Variants in RALGAPA2 observed in about 807,000 individuals in gnomAD.
RALGAPA2 encodes the protein Ral GTPase activating protein catalytic subunit alpha 2.
In RALGAPA2, 139 loss-of-function variants were observed where a neutral mutation model predicts 230.4. The ratio of observed to expected loss-of-function variants is 0.60; its 90% CI spans 0.53 to 0.69. The LOEUF is 0.69. Ranked by LOEUF, RALGAPA2 falls within the 30% of genes least tolerant of loss-of-function variation. The pLI, the probability that RALGAPA2 is intolerant of heterozygous loss-of-function variation, is 0.00. For missense variants in RALGAPA2, 2,163 were observed against 2,276.0 expected (o/e 0.95, Z 1.01); for synonymous variants, 847 against 837.8 (o/e 1.01, Z -0.19).
At chr20:20,482,444 G>A (rs190371103) in intron 36 of RALGAPA2, among the ~76,000 whole-genome samples, 58 of 152,164 alleles carry the variant, frequency 3.8e-4, no homozygotes, top group African/African-American at 1.3e-3. Context: ...CATGACAGTG[G>A]GTGTTGGCAG....
At chr20:20,524,761 T>C (rs1042909778) in intron 29 of RALGAPA2, 69 bp downstream of exon 29, 2 of 1,394,032 alleles carry the variant, frequency 1.4e-6, no homozygotes, top group Admixed American at 2.6e-5. Context: ...AGTTGTAACA[T>C]TATTTATCAT....
chr20:20,556,644 G>A (rs1337507284), intron 23 of RALGAPA2, among the ~76,000 whole-genome samples: 1 of 152,100 alleles, frequency 6.6e-6, no homozygotes, highest in Non-Finnish European at 1.5e-5. Flanking sequence ...AGCAAATGAG[G>A]GCTTCAACAA....
At chr20:20,563,245 T>G (rs955644143) in intron 23 of RALGAPA2, among the ~76,000 whole-genome samples, 7 of 152,224 alleles carry the variant, frequency 4.6e-5, no homozygotes, top group South Asian at 2.1e-4. Context: ...TAATATTTCA[T>G]TAACTTGAGT....
At chr20:20,628,641 T>C (rs1213188442) in intron 10 of RALGAPA2, among the ~76,000 whole-genome samples, 3 of 152,206 alleles carry the variant, frequency 2.0e-5, no homozygotes, top group Non-Finnish European at 4.4e-5. Flanking sequence ...CATCCCTGGC[T>C]GCGACCCACT....
At chr20:20,555,859 A>G (rs998351481) in intron 23 of RALGAPA2, among the ~76,000 whole-genome samples, 1 of 152,162 alleles carries the variant, frequency 6.6e-6, no homozygotes, top group Non-Finnish European at 1.5e-5. Flanking sequence ...GTCAATATAC[A>G]TATCTTTCAT....
chr20:20,394,464 C>T (rs992222382), intron 39 of RALGAPA2, among the ~76,000 whole-genome samples: 4 of 152,130 alleles, frequency 2.6e-5, no homozygotes, highest in African/African-American at 9.7e-5. Context: ...ACAGTGAAAC[C>T]CCGTCTCTAC....
intron 16 of RALGAPA2, among the ~76,000 whole-genome samples, chr20:20,600,602 A>G (rs142983145): frequency 1.1e-3 from 175 of 152,382 alleles, no homozygotes; most frequent in Non-Finnish European, 2.2e-3. Context: ...TTTACTAAGC[A>G]CTATAGAATA....
At chr20:20,600,462 G>A (rs1226363935) in intron 16 of RALGAPA2, among the ~76,000 whole-genome samples, 1 of 152,130 alleles carries the variant, frequency 6.6e-6, no homozygotes, top group Admixed American at 6.5e-5. Context: ...AAGCAGAATA[G>A]GCTGTGCATG....
intron 37 of RALGAPA2, among the ~76,000 whole-genome samples, chr20:20,435,863 C>T (rs536366939): frequency 6.6e-6 from 1 of 152,234 alleles, no homozygotes; most frequent in Admixed American, 6.5e-5. Context: ...GGATTGAGCT[C>T]ACATGGACAA....
intron 37 of RALGAPA2, among the ~76,000 whole-genome samples, chr20:20,441,964 GAA>G (rs935103748): frequency 6.6e-6 from 1 of 152,182 alleles, no homozygotes; most frequent in African/African-American, 2.4e-5. Flanking sequence ...TTTCAGAAAT[GAA>G]AAAGAGTATC....
chr20:20,598,653 G>A, intron 16 of RALGAPA2: 2 of 448,798 alleles, frequency 4.5e-6, no homozygotes, highest in Non-Finnish European at 9.0e-6. Context: ...GAACAGTGAT[G>A]GACACATGAG....
intron 37 of RALGAPA2, among the ~76,000 whole-genome samples, chr20:20,455,442 C>A (rs1216936591): frequency 6.6e-6 from 1 of 152,188 alleles, no homozygotes; most frequent in Admixed American, 6.5e-5. Flanking sequence ...GTCATCACCA[C>A]CTCCTCGCCT....
chr20:20,558,429 G>C (rs1247242122), intron 23 of RALGAPA2, among the ~76,000 whole-genome samples: 3 of 152,200 alleles, frequency 2.0e-5, no homozygotes, highest in East Asian at 1.9e-4. Context: ...ACTTTCAAGT[G>C]AAGTCAACAG....
At chr20:20,551,969 A>G (rs1318727527) in intron 23 of RALGAPA2, among the ~76,000 whole-genome samples, 1 of 152,190 alleles carries the variant, frequency 6.6e-6, no homozygotes, top group Admixed American at 6.5e-5. Context: ...GAAAATAAAA[A>G]AGGGCGATTA....
intron 20 of RALGAPA2, 45 bp downstream of exon 20, chr20:20,583,005 T>G: frequency 6.4e-7 from 1 of 1,572,798 alleles, no homozygotes; most frequent in Non-Finnish European, 8.7e-7. Context: ...ACAACTGATC[T>G]CCCAGCTGTT....
In RALGAPA2 at chr20:20,573,012, C is replaced by T. The variant is rs1348084661; in HGVS notation, c.2764G>A (p.Gly922Ser). Residue 922 changes from glycine (G) to serine (S), a missense_variant, in exon 21 of 40, where the codon GGT (glycine) becomes AGT (serine). Physicochemically the swap from Gly to Ser is moderately conservative, Grantham distance 56. Transcript: ENST00000202677. ...CSIIAGGSLT[G>S]WHPDSAAVLW... is the part of the protein sequence containing the mutation. ...ACAGCAGCAGAGTCTGGGTGCCAAC[C>T]AGTGAGGCTCCCCCCGGCGATTATA... The T allele has an allele frequency of 2.5e-6, 4 of 1,610,716 alleles. No homozygotes were observed. The highest frequency in any genetic ancestry group is 3.4e-6 in the Non-Finnish European group (4 of 1,178,604).
intron 23 of RALGAPA2, among the ~76,000 whole-genome samples, chr20:20,559,283 G>T (rs947691699): frequency 2.0e-5 from 3 of 152,170 alleles, no homozygotes; most frequent in African/African-American, 7.2e-5. Context: ...TAATGTGGGT[G>T]GAGGCCTGGA....
intron 9 of RALGAPA2, among the ~76,000 whole-genome samples, chr20:20,630,931 A>C (rs971670163): frequency 2.6e-5 from 4 of 152,170 alleles, no homozygotes; most frequent in Non-Finnish European, 5.9e-5. Context: ...AAGAAAAAAA[A>C]AATATGCACA....
chr20:20,457,639 G>A (rs995698049), intron 37 of RALGAPA2, among the ~76,000 whole-genome samples: 1 of 152,204 alleles, frequency 6.6e-6, no homozygotes, highest in Non-Finnish European at 1.5e-5. Context: ...GTGCCAAACT[G>A]GTGTCCTTAT....
Sources: gnomAD v4.1 joint callset for allele counts (sites outside exome capture counted in the v4.1 genomes callset) on GRCh38, gnomAD v4.1.1 for gene constraint, MANE v1.5 for transcripts, NCBI Gene and HGNC (gene_info 2026-07-23, HGNC 2026-07-21) for gene names.